Variants in ACOT7 observed in about 807,000 individuals in gnomAD.
ACOT7 encodes cytosolic acyl coenzyme A thioester hydrolase.
Under a neutral mutation model 40.2 loss-of-function variants are expected in ACOT7, and 12 were observed. The observed-to-expected ratio is 0.30, with a 90% CI of 0.19 to 0.48. The LOEUF (loss-of-function observed/expected upper bound fraction) is 0.48. Ranked by LOEUF, ACOT7 falls within the 20% of genes least tolerant of loss-of-function variation. The pLI is 0.99. For missense variants in ACOT7, 395 were observed against 530.8 expected, an observed-to-expected ratio of 0.74 and a Z score of 2.51; for synonymous variants, 228 against 219.5, an observed-to-expected ratio of 1.04 and a Z score of -0.34.
At chr1:6,309,498 ATTTTTCCTTTTAAG>A (rs1640272011) in intron 6 of ACOT7, among the ~76,000 whole-genome samples, 1 of 150,770 alleles carries the variant, frequency 6.6e-6, no homozygotes, top group Non-Finnish European at 1.5e-5. Flanking sequence ...GGTATTTTTT[ATTTTTCCTTTTAAG>A]TAATAAGCTC....
intron 8 of ACOT7, among the ~76,000 whole-genome samples, chr1:6,267,503 C>A (rs1638888012): frequency 1.3e-5 from 2 of 152,192 alleles, no homozygotes; most frequent in African/African-American, 4.8e-5. Context: ...GTCTGCAGAT[C>A]CTCTGGGCTC....
intron 1 of ACOT7, among the ~76,000 whole-genome samples, chr1:6,361,437 G>T (rs910577786): frequency 1.3e-5 from 2 of 152,218 alleles, no homozygotes; most frequent in Admixed American, 6.5e-5. Flanking sequence ...ATCCATTAAG[G>T]TTCACGCAGA....
At chr1:6,324,265 T>A (rs950267643) in intron 5 of ACOT7, among the ~76,000 whole-genome samples, 1 of 152,082 alleles carries the variant, frequency 6.6e-6, no homozygotes, top group Admixed American at 6.6e-5. Context: ...AGAATGGACA[T>A]GGGACTTCCT....
rs1639753965 is a variant in ACOT7, at chr1:6,294,367, C to A, written c.829+497G>T. ...CCATTTCCAGGCAGGGGCCAGGTGG[C>A]TGGGGTTGGATTTTTGTGGTGGAGA... On this transcript the variant is annotated intron_variant, in intron 7 of 8. Transcript: ENST00000361521. The surrounding 1 kb of genome is among the most constrained non-coding windows in gnomAD (Gnocchi z 4.6). 6.6e-6 allele frequency among the ~76,000 whole-genome samples: 1 copy of A among 152,238 alleles called. No homozygotes were observed. Among genetic ancestry groups the A allele is most frequent in the African/African-American group, 2.4e-5 (1 of 41,462 alleles).
Position 6,359,615 on chromosome 1 carries a change from G to A in ACOT7, c.144-9749C>T, listed in dbSNP as rs368934091. On this transcript the variant is annotated intron_variant, in intron 1 of 8. Transcript: ENST00000361521. The surrounding 1 kb of genome is among the most constrained non-coding windows in gnomAD (Gnocchi z 4.1). ...CCCCAACCCGTACTCTCTTCACTCC[G>A]CCTCCCCTTCTACTGGGTGTCAGGA... Among the ~76,000 whole-genome samples the A allele has an allele frequency of 1.3e-5, 2 of 152,178 alleles. No individual in the cohort carries two copies. Among genetic ancestry groups the A allele is most frequent in the East Asian group, 3.9e-4 (2 of 5,174 alleles).
intron 1 of ACOT7, among the ~76,000 whole-genome samples, chr1:6,371,976 T>G (rs1642141259): frequency 6.9e-6 from 1 of 145,866 alleles, no homozygotes; most frequent in Non-Finnish European, 1.5e-5. Context: ...ACCTGAGAGG[T>G]GGAGGTTGCA....
At chr1:6,276,227 G>A (rs772918617) in intron 8 of ACOT7, among the ~76,000 whole-genome samples, 7 of 152,148 alleles carry the variant, frequency 4.6e-5, no homozygotes, top group Non-Finnish European at 1.0e-4. Flanking sequence ...AGGTGCCAGG[G>A]ACGTCCTCCG....
intron 1 of ACOT7, among the ~76,000 whole-genome samples, chr1:6,364,478 T>A (rs570287333): frequency 6.7e-6 from 1 of 149,852 alleles, no homozygotes; most frequent in Non-Finnish European, 1.5e-5. Context: ...GAGGCAGAAG[T>A]TGCAGTGAGC....
At chr1:6,351,006 G>A (rs866790210) in intron 1 of ACOT7, among the ~76,000 whole-genome samples, 2 of 152,212 alleles carry the variant, frequency 1.3e-5, no homozygotes, top group African/African-American at 4.8e-5. Flanking sequence ...GCAGACACAT[G>A]GTACACAGTA....
At chr1:6,292,181 C>A (rs1222382963) in intron 7 of ACOT7, among the ~76,000 whole-genome samples, 2 of 152,262 alleles carry the variant, frequency 1.3e-5, no homozygotes, top group African/African-American at 2.4e-5. Flanking sequence ...CCAAATTCCT[C>A]TATACACAAA....
rs140250999 is a variant in ACOT7 at position 6,372,566 on chromosome 1, T to G, written c.143+20691A>C. ...GTCTAACTTTTGGCTTTTTTTTTTTTTTTTTTGAGAGTCTCGCTCTGTCGC... is the reference window on the plus strand; with the variant it reads ...GTCTAACTTTTGGCTTTTTTTTTTTGTTTTTTGAGAGTCTCGCTCTGTCGC... On this transcript the variant is annotated intron_variant, in intron 1 of 8. Transcript: ENST00000361521. Among the ~76,000 whole-genome samples the G allele has an allele frequency of 4.0e-5, 6 of 151,364 alleles. No individual in the cohort carries two copies. In the East Asian group the frequency reaches 1.2e-3, roughly 29 times the overall value.
intron 1 of ACOT7, among the ~76,000 whole-genome samples, chr1:6,387,827 C>A (rs1642463507): frequency 6.6e-6 from 1 of 152,224 alleles, no homozygotes; most frequent in South Asian, 2.1e-4. Context: ...TGCATCTTCA[C>A]CCAGGGTCCA....
chr1:6,369,146 G>A (rs1192308201), intron 1 of ACOT7, among the ~76,000 whole-genome samples: 1 of 151,726 alleles, frequency 6.6e-6, no homozygotes, highest in Non-Finnish European at 1.5e-5. Flanking sequence ...ACCACATCTA[G>A]CTACGTTTTG....
rs1486326265 is a variant in ACOT7 at position 6,280,996 on chromosome 1, A to T, written c.1014+106T>A. The T allele has an allele frequency of 2.1e-6, 3 of 1,448,832 alleles. No homozygotes were observed. The African/African-American group carries it at 4.2e-5, about 20-fold the overall frequency. The allele number at this position is 1,448,832 out of a possible 1,614,324, so 89.7% of individuals were successfully genotyped here. ...CCCAGCCCTACTCTGACCCCTACTG[A>T]CAGGACAGGACTCATGCAGGCACAG... On this transcript the variant is annotated intron_variant, in intron 8 of 8. Coordinates refer to ENST00000361521, the MANE Select transcript of ACOT7 (RefSeq NM_007274.4).
chr1:6,370,466 T>G (rs1050077673), intron 1 of ACOT7, among the ~76,000 whole-genome samples: 3 of 87,712 alleles, frequency 3.4e-5, no homozygotes, highest in African/African-American at 1.4e-4. Flanking sequence ...AGTATTATTA[T>G]TATTATTATT....
chr1:6,343,920 G>A (rs1641346287), intron 2 of ACOT7, among the ~76,000 whole-genome samples: 1 of 152,232 alleles, frequency 6.6e-6, no homozygotes, highest in Non-Finnish European at 1.5e-5. Context: ...AGAGGGGTGT[G>A]GGTCAGAGAA....
chr1:6,265,712 C>A (rs922369206), intron 8 of ACOT7, among the ~76,000 whole-genome samples: 10 of 152,180 alleles, frequency 6.6e-5, no homozygotes, highest in Admixed American at 4.6e-4. Flanking sequence ...CTGGCCCCAC[C>A]CTGGCTGGGA....
chr1:6,317,966 A>G (rs955363146), intron 6 of ACOT7, among the ~76,000 whole-genome samples: 2 of 152,180 alleles, frequency 1.3e-5, no homozygotes, highest in Non-Finnish European at 2.9e-5. Context: ...TCCTGACCTC[A>G]GGTGATCCAG....
rs938967448 is a variant in ACOT7, at chr1:6,264,395, T to C, written c.*202A>G. On this transcript the variant is annotated 3_prime_UTR_variant, in exon 9 of 9. Coordinates refer to ENST00000361521, the MANE Select transcript of ACOT7 (RefSeq NM_007274.4). Reference sequence around the variant, plus strand: ...GCGCTCGGGACAACACTGTGTAGCATTGATACTGGAATGATATAAATAAAG... The same window carrying C: ...GCGCTCGGGACAACACTGTGTAGCACTGATACTGGAATGATATAAATAAAG... 16 of 595,154 alleles carry C rather than the reference T, an allele frequency of 2.7e-5. No homozygotes were observed. Among genetic ancestry groups the C allele is most frequent in the Non-Finnish European group, 4.1e-5 (14 of 337,988 alleles). 36.9% of individuals were successfully genotyped at this position (595,154 alleles called of 1,614,324 possible).
Sources: gnomAD v4.1 joint callset for allele counts (sites outside exome capture counted in the v4.1 genomes callset) on GRCh38, gnomAD v4.1.1 for gene constraint, Gnocchi (gnomAD v3.1) non-coding constraint, MANE v1.5 for transcripts, NCBI Gene and HGNC (gene_info 2026-07-23, HGNC 2026-07-21) for gene names.